MAOB: variants seen among roughly 807,000 people sequenced by gnomAD.
MAOB encodes amine oxidase [flavin-containing] B.
In MAOB, 15 loss-of-function variants were observed where a neutral mutation model predicts 41.9. The observed-to-expected ratio is 0.36, with a 90% CI of 0.24 to 0.55. The LOEUF (loss-of-function observed/expected upper bound fraction) is 0.55, where lower values mean the gene tolerates loss of function less well. Ranked by LOEUF, MAOB falls within the 20% of genes least tolerant of loss-of-function variation. The pLI is 0.86. For missense variants in MAOB, 345 were observed against 398.7 expected (o/e 0.87, Z 1.15); for synonymous variants, 167 against 144.2 (o/e 1.16, Z -1.13).
intron 1 of MAOB, among the ~76,000 whole-genome samples, chrX:43,870,485 C>T (rs1284125367): frequency 9.0e-6 from 1 of 111,313 alleles, no homozygotes; most frequent in Non-Finnish European, 1.9e-5. Flanking sequence ...CCCTACCGGC[C>T]TCTTGCATCC....
Position 43,803,342 on chromosome X carries a change from A to G in MAOB, c.342T>C (p.Asp114=). The part of the protein sequence containing the change: ...PPVWNPITYL[D]HNNFWRTMDD... ...CCATTGTCCTCCAAAAGTTGTTATG[A>G]TCTAAGTAGGTAATTGGATTCCATA... Residue 114 remains aspartate (D), a synonymous_variant, in exon 4 of 15, where the codon GAT becomes GAC. Transcript: ENST00000378069. The G allele has an allele frequency of 8.5e-7, 1 of 1,176,201 alleles. No homozygotes were observed. Among genetic ancestry groups the G allele is most frequent in the South Asian group, 2.0e-5 (1 of 49,524 alleles).
chrX:43,803,165 A>T, intron 4 of MAOB, 135 bp downstream of exon 4: 1 of 499,024 alleles, frequency 2.0e-6, no homozygotes. Context: ...AAACAAGTTC[A>T]TTCATTCATT....
intron 1 of MAOB, among the ~76,000 whole-genome samples, chrX:43,871,013 T>A: frequency 9.0e-6 from 1 of 110,624 alleles, no homozygotes; most frequent in Non-Finnish European, 1.9e-5. Context: ...AGAAGCTTTA[T>A]CGGGGTTCAA....
chrX:43,797,534 C>A (rs1477461499), intron 5 of MAOB, among the ~76,000 whole-genome samples: 1 of 112,042 alleles, frequency 8.9e-6, no homozygotes, highest in Non-Finnish European at 1.9e-5. Context: ...TACATTCCTG[C>A]TGCTCTTCCA....
intron 8 of MAOB, among the ~76,000 whole-genome samples, chrX:43,785,164 A>G (rs1370275757): frequency 1.8e-5 from 2 of 113,064 alleles, no homozygotes; most frequent in Non-Finnish European, 1.9e-5. Context: ...AAACAAAACA[A>G]GACAATCTGT....
chrX:43,844,012 T>TA, intron 1 of MAOB: 2 of 756,319 alleles, frequency 2.6e-6, no homozygotes, highest in Non-Finnish European at 3.4e-6. Flanking sequence ...TATATCAAAA[T>TA]GTCTATTTTA....
chrX:43,795,899 A>C lies in MAOB; in HGVS notation c.619-11T>G, dbSNP rs377591804. On this transcript the variant is annotated splice_polypyrimidine_tract_variant and intron_variant, in intron 6 of 14. Transcript: ENST00000378069. The stretch of plus-strand genomic sequence containing the variant: ...CACAAATTTCCTCTCCTGGAAAGAG[A>C]AAAGGAGGTGAAAGAGAAACGCAGG... 10 of 1,198,989 alleles carry C rather than the reference A, an allele frequency of 8.3e-6. No individual in the cohort carries two copies. In the African/African-American group the frequency reaches 1.8e-4, roughly 21 times the overall value.
chrX:43,869,449 G>A (rs1355490444), intron 1 of MAOB, among the ~76,000 whole-genome samples: 1 of 111,501 alleles, frequency 9.0e-6, no homozygotes, highest in East Asian at 2.8e-4. Flanking sequence ...CACTCACATA[G>A]CAAATCAGCA....
chrX:43,816,201 T>G (rs770117715), intron 3 of MAOB, among the ~76,000 whole-genome samples: 1 of 111,911 alleles, frequency 8.9e-6, no homozygotes, highest in East Asian at 2.8e-4. Flanking sequence ...TGGCTCTCCT[T>G]GGGGATGTGT....
intron 1 of MAOB, among the ~76,000 whole-genome samples, chrX:43,856,119 T>A (rs2035285741): frequency 8.9e-6 from 1 of 112,031 alleles, no homozygotes; most frequent in Non-Finnish European, 1.9e-5. Flanking sequence ...AGTCTTGCTC[T>A]GTCTCCCAGG....
intron 1 of MAOB, among the ~76,000 whole-genome samples, chrX:43,857,110 TATATATAGAGAGAGAG>T (rs1371509562): frequency 8.6e-4 from 17 of 19,804 alleles, no homozygotes; most frequent in Admixed American, 1.6e-3. Flanking sequence ...TATATATATA[TATATATAGAGAGAGAG>T]AGAGAGAGAG....
At chrX:43,818,606 C>T (rs1046874536) in intron 3 of MAOB, among the ~76,000 whole-genome samples, 4 of 112,124 alleles carry the variant, frequency 3.6e-5, no homozygotes, top group African/African-American at 9.7e-5. Flanking sequence ...AGAGCGACAA[C>T]GCAAAGGATA....
intron 3 of MAOB, among the ~76,000 whole-genome samples, chrX:43,816,814 T>G (rs2034820036): frequency 9.0e-6 from 1 of 111,131 alleles, no homozygotes; most frequent in Non-Finnish European, 1.9e-5. Flanking sequence ...GGATTTGGAG[T>G]GGTCACCGTA....
At chrX:43,841,352 TA>T (rs886864116) in intron 2 of MAOB, among the ~76,000 whole-genome samples, 4 of 111,449 alleles carry the variant, frequency 3.6e-5, no homozygotes, top group Non-Finnish European at 7.5e-5. Context: ...ATAATTCTTT[TA>T]AAAAAATAAA....
intron 10 of MAOB, among the ~76,000 whole-genome samples, chrX:43,779,362 C>G (rs2034301070): frequency 9.0e-6 from 1 of 111,560 alleles, no homozygotes; most frequent in African/African-American, 3.3e-5. Flanking sequence ...AAATATGTTT[C>G]AGAAGGATCA....
Position 43,781,458 on chromosome X carries a change from C to T in MAOB, c.1015G>A (p.Ala339Thr). ...ATAATTGTGCCTTACCCCATTATGG[C>T]AGCATAGTTGCCTTCAGGTTTGGTA... is the stretch of plus-strand genomic sequence containing the variant. ...DDTKPEGNYAAIMGFILAHKA... is the reference protein window; with the variant it reads ...DDTKPEGNYATIMGFILAHKA... The change falls in exon 9 of 15, where the codon GCC (alanine) becomes ACC (threonine). Residue 339 changes from alanine (A) to threonine (T), a missense_variant. Physicochemically the swap from Ala to Thr is moderately conservative, Grantham distance 58. Coordinates refer to ENST00000378069, the MANE Select transcript of MAOB (RefSeq NM_000898.5). 1 of 1,181,850 alleles carries T rather than the reference C, an allele frequency of 8.5e-7. No individual in the cohort carries two copies. Among genetic ancestry groups the T allele is most frequent in the Admixed American group, 2.3e-5 (1 of 43,812 alleles).
intron 3 of MAOB, among the ~76,000 whole-genome samples, chrX:43,816,916 C>T (rs2034821329): frequency 9.0e-6 from 1 of 111,075 alleles, no homozygotes; most frequent in African/African-American, 3.3e-5. Flanking sequence ...ATGTTTGATG[C>T]CTCCCAGCAA....
intron 1 of MAOB, chrX:43,844,589 G>A (rs1454823877): frequency 8.9e-6 from 1 of 112,423 alleles, no homozygotes; most frequent in Non-Finnish European, 1.9e-5. Flanking sequence ...GGCAGACTGG[G>A]AGAGGAAAAC....
chrX:43,841,348 C>T (rs181589829), intron 2 of MAOB, among the ~76,000 whole-genome samples: 198 of 111,331 alleles, frequency 1.8e-3, no homozygotes, highest in African/African-American at 5.7e-3. Flanking sequence ...GTAAATAATT[C>T]TTTTAAAAAA....
Sources: gnomAD v4.1 joint callset for allele counts (sites outside exome capture counted in the v4.1 genomes callset) on GRCh38, gnomAD v4.1.1 for gene constraint, MANE v1.5 for transcripts, NCBI Gene and HGNC (gene_info 2026-07-23, HGNC 2026-07-21) for gene names.